Variants in RBFOX2 observed in about 807,000 individuals in gnomAD.
RBFOX2 encodes the protein RNA binding fox-1 homolog 2.
A neutral mutation model predicts 49.1 loss-of-function variants in RBFOX2; 10 were observed. The ratio of observed to expected loss-of-function variants is 0.20; its 90% confidence interval spans 0.13 to 0.35. The LOEUF is 0.35. RBFOX2 is among the 10% of genes least tolerant of loss of function. The pLI, the probability that RBFOX2 is intolerant of heterozygous loss-of-function variation, is 1.00. For missense variants in RBFOX2, 323 were observed against 486.9 expected (o/e 0.66, Z 3.17); for synonymous variants, 183 against 187.4 (o/e 0.98, Z 0.19).
chr22:35,977,761 T>TATATATATATAC (rs1259422253), intron 1 of RBFOX2, among the ~76,000 whole-genome samples: 82 of 90,920 alleles, frequency 9.0e-4, no homozygotes, highest in South Asian at 1.6e-3. Context: ...TATATATATA[T>TATATATATATAC]ACATGCACAC....
At chr22:35,899,785 T>C (rs2048348755) in intron 1 of RBFOX2, among the ~76,000 whole-genome samples, 1 of 152,210 alleles carries the variant, frequency 6.6e-6, no homozygotes, top group Non-Finnish European at 1.5e-5. Context: ...ACATACTTCA[T>C]TCTATCAGGA....
chr22:35,770,431 C>T lies in RBFOX2; in HGVS notation c.454-2082G>A, dbSNP rs1018672401. On this transcript the variant is annotated intron_variant, in intron 4 of 11. Coordinates refer to ENST00000405409, the Ensembl canonical transcript of RBFOX2. ...ATGACTATATCTACACACCCACATA[C>T]AAATATACATACTAGTTTTTCTTCT... Among the ~76,000 whole-genome samples the T allele has an allele frequency of 5.9e-5, 9 of 152,160 alleles. No homozygotes were observed. The East Asian group carries it at 7.7e-4, about 13-fold the overall frequency.
At chr22:35,872,066 A>G (rs1340495367) in intron 1 of RBFOX2, among the ~76,000 whole-genome samples, 1 of 152,170 alleles carries the variant, frequency 6.6e-6, no homozygotes, top group African/African-American at 2.4e-5. Context: ...AAATCCTGAC[A>G]AGTAAGTGCC....
intron 9 of RBFOX2, chr22:35,746,967 G>GT (rs1406258504): frequency 3.2e-5 from 5 of 155,370 alleles, no homozygotes; most frequent in African/African-American, 1.2e-4. Context: ...TATGAAATCT[G>GT]TATGTGTTGA....
At position 35,746,464 on chromosome 22, in the gene RBFOX2, T is replaced by C. The variant is rs753960394; in HGVS notation, c.976+9A>G. 1.9e-6 allele frequency: 3 copies of C among 1,575,976 alleles called. No homozygotes were observed. The East Asian group carries it at 6.8e-5, about 36-fold the overall frequency. The stretch of plus-strand genomic sequence containing the variant: ...GCATCCCAAAGCTCACCACTGTCTC[T>C]GTACATACCCGTCACTGTAAGCGGC... On this transcript the variant is annotated intron_variant, in intron 10 of 11. Transcript: ENST00000405409.
chr22:35,765,306 T>C (rs930042815), intron 6 of RBFOX2, 117 bp downstream of exon 7: 2 of 706,004 alleles, frequency 2.8e-6, no homozygotes, highest in Non-Finnish European at 2.3e-6. Context: ...GTAAAGAGAC[T>C]ACTTCAACAC....
upstream of RBFOX2, among the ~76,000 whole-genome samples, chr22:35,841,218 C>A (rs1958708330): frequency 6.6e-6 from 1 of 152,118 alleles, no homozygotes; most frequent in Admixed American, 6.5e-5. Context: ...TTTCTCCAGC[C>A]TTCTATGTTT....
intron 1 of RBFOX2, among the ~76,000 whole-genome samples, chr22:35,827,893 G>A (rs906696833): frequency 3.9e-5 from 6 of 152,260 alleles, no homozygotes; most frequent in African/African-American, 7.2e-5. Flanking sequence ...AAGGCCAGGC[G>A]CAGTGGCTCA....
intron 1 of RBFOX2, among the ~76,000 whole-genome samples, chr22:35,959,555 T>C (rs905295149): frequency 6.6e-6 from 1 of 152,206 alleles, no homozygotes; most frequent in Non-Finnish European, 1.5e-5. Flanking sequence ...GACAGGTCAC[T>C]AGGTATCTTG....
intron 1 of RBFOX2, among the ~76,000 whole-genome samples, chr22:35,912,889 G>C (rs1385170024): frequency 1.3e-5 from 2 of 152,108 alleles, no homozygotes; most frequent in African/African-American, 4.8e-5. Context: ...CAGTGACCTT[G>C]AGCAAGTACT....
intron 1 of RBFOX2, among the ~76,000 whole-genome samples, chr22:35,990,735 A>G (rs145893404): frequency 6.6e-6 from 1 of 152,338 alleles, no homozygotes; most frequent in East Asian, 1.9e-4. Flanking sequence ...GTAAGAAGAA[A>G]GCCCACAATC....
chr22:35,847,153 C>T (rs1345220550), intron 1 of RBFOX2, among the ~76,000 whole-genome samples: 1 of 152,152 alleles, frequency 6.6e-6, no homozygotes, highest in Non-Finnish European at 1.5e-5. Context: ...TATCTCCTTA[C>T]TCTGCCTGAT....
chr22:36,028,733 C>T (rs573053805), exon 1 of RBFOX2, among the ~76,000 whole-genome samples: 5 of 151,862 alleles, frequency 3.3e-5, no homozygotes, highest in African/African-American at 9.6e-5. Context: ...CCGCGCCGCC[C>T]CGCCTCTCGC....
At chr22:35,909,238 G>T (rs951529246) in intron 1 of RBFOX2, among the ~76,000 whole-genome samples, 1 of 152,112 alleles carries the variant, frequency 6.6e-6, no homozygotes, top group Non-Finnish European at 1.5e-5. Flanking sequence ...TGAGAGGATC[G>T]CTTGGGGCCA....
At chr22:35,887,414 C>T (rs971342292) in intron 1 of RBFOX2, among the ~76,000 whole-genome samples, 5 of 152,156 alleles carry the variant, frequency 3.3e-5, no homozygotes, top group Non-Finnish European at 5.9e-5. Flanking sequence ...TCAGCAAACT[C>T]CTCTACACAC....
chr22:35,822,020 A>G, intron 1 of RBFOX2: 1 of 510,400 alleles, frequency 2.0e-6, no homozygotes, highest in South Asian at 1.4e-5. Context: ...AGCAATCAGC[A>G]AGGCCTATTA....
chr22:35,809,585 G>A (rs1198312717), intron 2 of RBFOX2, among the ~76,000 whole-genome samples, 195 bp downstream of exon 3: 1 of 152,140 alleles, frequency 6.6e-6, no homozygotes, highest in Non-Finnish European at 1.5e-5. Flanking sequence ...AATTGGGAGA[G>A]CTCGAAAAGC....
intron 9 of RBFOX2, chr22:35,748,480 T>C (rs1416033062): frequency 2.1e-5 from 3 of 142,212 alleles, no homozygotes; most frequent in Non-Finnish European, 4.6e-5. Context: ...TTTCTTTACC[T>C]TTTTTTTTTT....
At chr22:35,927,425 A>G (rs1747889051) in intron 1 of RBFOX2, among the ~76,000 whole-genome samples, 1 of 151,952 alleles carries the variant, frequency 6.6e-6, no homozygotes, top group Non-Finnish European at 1.5e-5. Context: ...ACCAAAATGG[A>G]GAAATCCTGT....
Sources: allele counts gnomAD v4.1 joint callset (sites outside exome capture counted in the v4.1 genomes callset), GRCh38; gene constraint gnomAD v4.1.1; transcripts MANE v1.5; gene names NCBI Gene and HGNC (gene_info 2026-07-23, HGNC 2026-07-21).